Variants in PPP2R5A observed in about 807,000 individuals in gnomAD.
PPP2R5A encodes serine/threonine-protein phosphatase 2A 56 kDa regulatory subunit alpha isoform.
A neutral mutation model predicts 64.2 loss-of-function variants in PPP2R5A; 25 were observed. The observed-to-expected ratio is 0.39, with a 90% CI of 0.28 to 0.54. The LOEUF is 0.54. Ranked by LOEUF, PPP2R5A falls within the 20% of genes least tolerant of loss-of-function variation. PPP2R5A has a pLI of 0.67. For synonymous variants in PPP2R5A, 198 were observed against 201.2 expected, an observed-to-expected ratio of 0.98 and a Z score of 0.13; for missense variants, 425 against 576.3, an observed-to-expected ratio of 0.74 and a Z score of 2.69.
intron 8 of PPP2R5A, among the ~76,000 whole-genome samples, chr1:212,350,994 AT>A (rs1396746034): frequency 1.6e-5 from 2 of 122,882 alleles, no homozygotes; most frequent in Non-Finnish European, 3.5e-5. Flanking sequence ...AAAAAAAAAA[AT>A]TAGCTGGGCA....
chr1:212,288,054 T>A (rs1658537328), intron 1 of PPP2R5A, among the ~76,000 whole-genome samples: 1 of 152,218 alleles, frequency 6.6e-6, no homozygotes, highest in African/African-American at 2.4e-5. Context: ...TTCACTTTCG[T>A]TGCTCAGGCT....
intron 1 of PPP2R5A, among the ~76,000 whole-genome samples, chr1:212,328,034 C>T (rs792432): frequency 0.012 from 1,786 of 152,264 alleles, 32 homozygotes; most frequent in African/African-American, 0.04. Flanking sequence ...AGGCTGGTCT[C>T]GAACTCATGA....
chr1:212,328,850 T>G (rs1303443364), intron 1 of PPP2R5A, among the ~76,000 whole-genome samples: 1 of 152,216 alleles, frequency 6.6e-6, no homozygotes, highest in African/African-American at 2.4e-5. Context: ...CTCTGGAGGC[T>G]GAGGCAGGAG....
intron 1 of PPP2R5A, among the ~76,000 whole-genome samples, chr1:212,305,518 A>G (rs772452998): frequency 9.9e-5 from 15 of 151,956 alleles, no homozygotes; most frequent in Non-Finnish European, 2.1e-4. Flanking sequence ...AGTGTTCTAT[A>G]GTGAGTATAA....
At chr1:212,289,086 G>A (rs897491870) in intron 1 of PPP2R5A, among the ~76,000 whole-genome samples, 2 of 152,168 alleles carry the variant, frequency 1.3e-5, no homozygotes, top group Non-Finnish European at 2.9e-5. Flanking sequence ...TTGTTAAAAG[G>A]CTTTTCAGTC....
chr1:212,319,070 T>G (rs77694461), intron 1 of PPP2R5A, among the ~76,000 whole-genome samples: 1 of 152,228 alleles, frequency 6.6e-6, no homozygotes, highest in East Asian at 1.9e-4. Flanking sequence ...TTATACATTT[T>G]GGAAGAAATC....
chr1:212,325,210 G>A (rs781553797), intron 1 of PPP2R5A, among the ~76,000 whole-genome samples: 5 of 152,130 alleles, frequency 3.3e-5, no homozygotes, highest in Non-Finnish European at 5.9e-5. Flanking sequence ...TAAAGATAAT[G>A]GGTACTCAAA....
chr1:212,326,356 G>A (rs548040547), intron 1 of PPP2R5A, among the ~76,000 whole-genome samples: 1 of 152,176 alleles, frequency 6.6e-6, no homozygotes, highest in South Asian at 2.1e-4. Flanking sequence ...CACTTTGGGA[G>A]GCCGAGGCAG....
chr1:212,302,378 A>G (rs1658813706), intron 1 of PPP2R5A, among the ~76,000 whole-genome samples: 1 of 152,164 alleles, frequency 6.6e-6, no homozygotes, highest in African/African-American at 2.4e-5. Flanking sequence ...ATTTTTATTA[A>G]TCTAATTTAG....
At position 212,347,542 on chromosome 1, in the gene PPP2R5A, C is replaced by CTT. The variant is rs11290098; in HGVS notation, c.764+149_764+150dup. ...GAACACATAGTTTCTCAACTGAAGTCTTTTTTTTTTTTTTGAGACGGAGTT... is the reference window on the plus strand; with the variant it reads ...GAACACATAGTTTCTCAACTGAAGTCTTTTTTTTTTTTTTTTGAGACGGAGTT... On this transcript the variant is annotated intron_variant, in intron 6 of 12. Transcript: ENST00000261461. The CTT allele has an allele frequency of 1.5e-3, 700 of 478,284 alleles. 1 individual carries two copies. Among genetic ancestry groups the CTT allele is most frequent in the African/African-American group, 5.8e-3 (268 of 46,200 alleles). 29.6% of individuals were successfully genotyped at this position (478,284 alleles called of 1,614,324 possible).
intron 1 of PPP2R5A, among the ~76,000 whole-genome samples, chr1:212,311,505 CA>C (rs1390643550): frequency 2.0e-5 from 3 of 151,672 alleles, no homozygotes; most frequent in Non-Finnish European, 4.4e-5. Flanking sequence ...CAATTATGTA[CA>C]ATACATAATA....
intron 8 of PPP2R5A, among the ~76,000 whole-genome samples, chr1:212,350,483 G>A (rs1659855587): frequency 6.6e-6 from 1 of 151,752 alleles, no homozygotes; most frequent in Admixed American, 6.6e-5. Flanking sequence ...GTGAAACCCT[G>A]TCTCTAGTTA....
At chr1:212,293,843 C>CT (rs1658645965) in intron 1 of PPP2R5A, among the ~76,000 whole-genome samples, 1 of 152,054 alleles carries the variant, frequency 6.6e-6, no homozygotes, top group Non-Finnish European at 1.5e-5. Flanking sequence ...CTTTCCAGTG[C>CT]TGAATGGGAT....
intron 4 of PPP2R5A, 102 bp downstream of exon 4, chr1:212,342,382 A>G: frequency 7.2e-7 from 1 of 1,392,538 alleles, no homozygotes; most frequent in Non-Finnish European, 9.5e-7. Flanking sequence ...TAATGGTTTA[A>G]TTTGACAGCA....
intron 1 of PPP2R5A, among the ~76,000 whole-genome samples, chr1:212,287,774 T>C (rs1303795966): frequency 6.6e-6 from 1 of 152,206 alleles, no homozygotes; most frequent in Non-Finnish European, 1.5e-5. Flanking sequence ...TTTTAAAATT[T>C]ACACTTATTT....
intron 1 of PPP2R5A, among the ~76,000 whole-genome samples, chr1:212,322,021 A>G (rs752532144): frequency 0.028 from 4,178 of 151,814 alleles, 90 homozygotes; most frequent in Non-Finnish European, 0.044. Flanking sequence ...CCCCGTCTCC[A>G]CCAAAAAAAT....
rs974210658 is a variant in PPP2R5A, at chr1:212,344,806, A to G, written c.574-997A>G. ...ATATAGGAGTACACTGATTGGGCCA[A>G]TTGAGGTATAGGAGAGTGCTGACTG... On this transcript the variant is annotated intron_variant, in intron 4 of 12. Coordinates refer to ENST00000261461, the MANE Select transcript of PPP2R5A (RefSeq NM_006243.4). Among the ~76,000 whole-genome samples, 4 of 152,258 alleles carry G rather than the reference A, an allele frequency of 2.6e-5. No individual in the cohort carries two copies. In the East Asian group the frequency reaches 5.8e-4, roughly 22 times the overall value.
At chr1:212,286,585 C>A (rs992655400) in intron 1 of PPP2R5A, among the ~76,000 whole-genome samples, 2 of 152,218 alleles carry the variant, frequency 1.3e-5, no homozygotes, top group African/African-American at 4.8e-5. Flanking sequence ...TCCTATCTTG[C>A]GTCCCGTGAA....
rs554408346 is a variant in PPP2R5A at position 212,351,030 on chromosome 1, G to T, written c.927+1788G>T. On this transcript the variant is annotated intron_variant, in intron 8 of 12. Transcript: ENST00000261461. ...ATGGTGGCGTGTGCCTGTAATCTCAGCTACTAGGGAGGCCGAGGCACAAGA... is the reference window on the plus strand; with the variant it reads ...ATGGTGGCGTGTGCCTGTAATCTCATCTACTAGGGAGGCCGAGGCACAAGA... Among the ~76,000 whole-genome samples, 15 of 150,032 alleles carry T rather than the reference G, an allele frequency of 1.0e-4. No homozygotes were observed. The South Asian group carries it at 3.2e-3, about 32-fold the overall frequency.
Sources: gnomAD v4.1 joint callset for allele counts (sites outside exome capture counted in the v4.1 genomes callset) on GRCh38, gnomAD v4.1.1 for gene constraint, MANE v1.5 for transcripts, NCBI Gene and HGNC (gene_info 2026-07-23, HGNC 2026-07-21) for gene names.